Variants in ARX observed in about 807,000 individuals in gnomAD.
ARX encodes the protein homeobox protein ARX.
In ARX, 1 loss-of-function variant was observed where a neutral mutation model predicts 23.1. The ratio of observed to expected loss-of-function variants is 0.04; its 90% CI spans 0.02 to 0.21. The LOEUF (loss-of-function observed/expected upper bound fraction) is 0.21, where lower values mean the gene tolerates loss of function less well. Ranked by LOEUF, ARX falls within the 10% of genes least tolerant of loss-of-function variation. The pLI, the probability that ARX is intolerant of heterozygous loss-of-function variation, is 1.00. For missense variants in ARX, 380 were observed against 527.5 expected (o/e 0.72, Z 2.74); for synonymous variants, 301 against 270.1 (o/e 1.11, Z -1.12).
chrX:25,006,255 C>T (rs1344309005), intron 4 of ARX, among the ~76,000 whole-genome samples: 2 of 112,520 alleles, frequency 1.8e-5, no homozygotes, highest in Non-Finnish European at 3.8e-5. Context: ...TCAGTGCGCT[C>T]GCTGTTTATT....
In ARX at chrX:25,013,547, C is replaced by T; in HGVS notation, c.448G>A (p.Ala150Thr). The change falls in exon 2 of 5, where the codon GCC becomes ACC. Residue 150 changes from alanine to threonine, a missense_variant. Ala to Thr is a moderately conservative substitution (Grantham distance 58, BLOSUM62 0). Transcript: ENST00000379044. ...DGAGAAAAAA[A>T]AAAAAWDTLK... ...GTGTCCCAGGCCGCGGCGGCCGCGG[C>T]CGCGGCTGCCGCGGCGGCCCCTGCG... is the stretch of plus-strand genomic sequence containing the variant. 1 of 787,678 alleles carries T rather than the reference C, an allele frequency of 1.3e-6. No homozygotes were observed. The highest frequency in any genetic ancestry group is 1.5e-6 in the Non-Finnish European group (1 of 665,263). 64.9% of individuals were successfully genotyped at this position (787,678 alleles called of 1,213,427 possible). A position where few individuals can be genotyped will look rare whatever the true frequency, so the allele number is the denominator to read the frequency against.
Position 25,010,316 on chromosome X carries a change from G to C in ARX, c.1074-11C>G. On this transcript the variant is annotated splice_polypyrimidine_tract_variant and intron_variant, in intron 2 of 4. Coordinates refer to ENST00000379044, the MANE Select transcript of ARX (RefSeq NM_139058.3). ...ATGGCCAGTTCCTCCCTATAAGAAA[G>C]CAACACACAGACAGGAGGTCACTGC... 1 of 1,209,597 alleles carries C rather than the reference G, an allele frequency of 8.3e-7. No homozygotes were observed. Among genetic ancestry groups the C allele is most frequent in the Non-Finnish European group, 1.1e-6 (1 of 894,720 alleles).
At chrX:25,010,736 C>A (rs371587734) in intron 2 of ARX, among the ~76,000 whole-genome samples, 2 of 110,805 alleles carry the variant, frequency 1.8e-5, no homozygotes, top group East Asian at 2.8e-4. Flanking sequence ...TTTTTCTGTC[C>A]TCTTGGTTTC....
At chrX:25,012,740 TG>T (rs1399726221) in intron 2 of ARX, among the ~76,000 whole-genome samples, 181 bp downstream of exon 2, 3 of 110,231 alleles carry the variant, frequency 2.7e-5, no homozygotes, top group Non-Finnish European at 5.7e-5. Flanking sequence ...CGAACCGGGG[TG>T]GGGGTCGGGG....
intron 3 of ARX, among the ~76,000 whole-genome samples, chrX:25,009,483 G>A (rs2048692803): frequency 9.0e-6 from 1 of 111,611 alleles, no homozygotes; most frequent in African/African-American, 3.3e-5. Context: ...TATTAAATGA[G>A]CCATATGGAA....
At chrX:25,005,659 C>T (rs2048674700) in intron 4 of ARX, among the ~76,000 whole-genome samples, 1 of 112,780 alleles carries the variant, frequency 8.9e-6, no homozygotes, top group Non-Finnish European at 1.9e-5. Context: ...CCCCGCGCCC[C>T]TGTAGCCTCT....
At chrX:25,005,492 G>A (rs1430535962) in intron 4 of ARX, among the ~76,000 whole-genome samples, 4 of 112,429 alleles carry the variant, frequency 3.6e-5, no homozygotes, top group African/African-American at 9.7e-5. Flanking sequence ...GGCCACCCGC[G>A]CCGCCGCGGC....
In ARX at chrX:25,013,140, C is replaced by T. The variant is rs139301257; in HGVS notation, c.855G>A (p.Glu285=). The T allele has an allele frequency of 1.2e-4, 143 of 1,199,717 alleles. No individual in the cohort carries two copies. The highest frequency in any genetic ancestry group is 1.6e-4 in the Non-Finnish European group (142 of 890,785). The change falls in exon 2 of 5, where the codon GAG becomes GAA. Residue 285 remains glutamate, a synonymous_variant. Transcript: ENST00000379044. The part of the protein sequence containing the change: ...AAAAAAAVAT[E]GGELSPKEEL... ...CCTCCTTGGGTGACAGCTCCCCGCC[C>T]TCTGTGGCCACTGCAGCGGCAGCTG...
At position 25,014,696 on chromosome X, in the gene ARX, T is replaced by A. The variant is rs945485842; in HGVS notation, c.196+846A>T. On this transcript the variant is annotated intron_variant, in intron 1 of 4. Transcript: ENST00000379044. The stretch of plus-strand genomic sequence containing the variant: ...AGGCTAAAAAAAGAAAAGAAAAAAG[T>A]CAGTTTTATTTAAATGCCCCCTTCT... Among the ~76,000 whole-genome samples the A allele has an allele frequency of 2.4e-4, 27 of 112,543 alleles. No homozygotes were observed. The Admixed American group carries it at 2.5e-3, about 10-fold the overall frequency.
chrX:25,009,962 G>A (rs1278062469), intron 3 of ARX, among the ~76,000 whole-genome samples: 1 of 110,946 alleles, frequency 9.0e-6, no homozygotes, highest in East Asian at 2.8e-4. Flanking sequence ...TCCTATAGGA[G>A]CTTTGGGGCT....
intron 2 of ARX, among the ~76,000 whole-genome samples, chrX:25,012,235 G>A (rs1274329622): frequency 3.5e-5 from 4 of 112,794 alleles, no homozygotes; most frequent in African/African-American, 1.3e-4. Context: ...TATGTGTGTC[G>A]GGAGAGGACA....
In ARX at chrX:25,004,467, G is replaced by A. The variant is rs967271212; in HGVS notation, c.*203C>T. On this transcript the variant is annotated 3_prime_UTR_variant, in exon 5 of 5. Transcript: ENST00000379044. The stretch of plus-strand genomic sequence containing the variant: ...CAGTAGCAGGGGCAGGGGCAGGGGC[G>A]GGTGGACAGCCAGCCGAGGAGGTGC... The A allele has an allele frequency of 1.6e-4, 99 of 606,944 alleles. 1 individual carries two copies. In the African/African-American group the frequency reaches 1.6e-3, roughly 10 times the overall value. 50.0% of individuals were successfully genotyped at this position (606,944 alleles called of 1,213,427 possible).
rs2048710232 is a variant in ARX, at chrX:25,013,287, ATCT to A, written c.705_707del (p.Glu235del). 8.7e-7 allele frequency: 1 copy of A among 1,151,934 alleles called. No individual in the cohort carries two copies. The highest frequency in any genetic ancestry group is 1.2e-6 in the Non-Finnish European group (1 of 869,533). 94.9% of individuals were successfully genotyped at this position (1,151,934 alleles called of 1,213,427 possible). On this transcript the variant is annotated inframe_deletion, in exon 2 of 5. Coordinates refer to ENST00000379044, the MANE Select transcript of ARX (RefSeq NM_139058.3). ...CCAGCAGTTCCTCTTCCTCGTCCTCATCTTCTTCGTCCTCCAGCAGCTCCTCCT... is the reference window on the plus strand; with the variant it reads ...CCAGCAGTTCCTCTTCCTCGTCCTCATCTTCGTCCTCCAGCAGCTCCTCCT...
In ARX at chrX:25,010,243, T is replaced by A; in HGVS notation, c.1119+17A>T. On this transcript the variant is annotated intron_variant, in intron 3 of 4. Coordinates refer to ENST00000379044, the MANE Select transcript of ARX (RefSeq NM_139058.3). ...CCAGCCCTCCTCCCTCCCTCTTCCCTCTGTTGTGCAGCTCACCTGGACTCG... is the reference window on the plus strand; with the variant it reads ...CCAGCCCTCCTCCCTCCCTCTTCCCACTGTTGTGCAGCTCACCTGGACTCG... The A allele has an allele frequency of 9.7e-7, 1 of 1,026,098 alleles. No individual in the cohort carries two copies. The highest frequency in any genetic ancestry group is 1.3e-6 in the Non-Finnish European group (1 of 785,784). 84.6% of individuals were successfully genotyped at this position (1,026,098 alleles called of 1,213,427 possible).
chrX:25,013,935 C>T (rs1463997634), intron 1 of ARX, 137 bp from the exon 2 acceptor site: 1 of 839,052 alleles, frequency 1.2e-6, no homozygotes, highest in Non-Finnish European at 1.5e-6. Flanking sequence ...CAGACTTCGA[C>T]GCCTTGGCCT....
At position 25,004,419 on chromosome X, in the gene ARX, TGTTGGA is replaced by T. The variant is rs1339438074; in HGVS notation, c.*245_*250del. 12 of 401,299 alleles carry T rather than the reference TGTTGGA, an allele frequency of 3.0e-5. No homozygotes were observed. The Admixed American group carries it at 3.5e-4, about 12-fold the overall frequency. The allele number at this position is 401,299 out of a possible 1,213,427, so 33.1% of individuals were successfully genotyped here. A position where few individuals can be genotyped will look rare whatever the true frequency, so the allele number is the denominator to read the frequency against. On this transcript the variant is annotated 3_prime_UTR_variant, in exon 5 of 5. Coordinates refer to ENST00000379044, the MANE Select transcript of ARX (RefSeq NM_139058.3). ...GAAAGTAAGAACAAGAGAGAGTGGA[TGTTGGA>T]GTTGGAGCGAGGTTGGCAGTAGCAG...
rs1290426954 is a variant in ARX, at chrX:25,004,260, T to A, written c.*410A>T. The A allele has an allele frequency of 7.7e-5, 10 of 129,126 alleles. No individual in the cohort carries two copies. The highest frequency in any genetic ancestry group is 1.8e-4 in the Admixed American group (2 of 11,004). 10.6% of individuals were successfully genotyped at this position (129,126 alleles called of 1,213,427 possible). Reference sequence around the variant, plus strand: ...CAACTTCGAGCGCCAAAATGCTATTTAAAAAAAAAAAAGAAAGAAAGAAAG... The same window carrying A: ...CAACTTCGAGCGCCAAAATGCTATTAAAAAAAAAAAAAGAAAGAAAGAAAG... On this transcript the variant is annotated 3_prime_UTR_variant, in exon 5 of 5. Coordinates refer to ENST00000379044, the MANE Select transcript of ARX (RefSeq NM_139058.3).
chrX:25,005,187 C>T (rs2048672490), intron 4 of ARX, among the ~76,000 whole-genome samples: 3 of 112,600 alleles, frequency 2.7e-5, no homozygotes, highest in South Asian at 7.4e-4. Flanking sequence ...GGCGTGGAGA[C>T]CTCAAGCCCC....
chrX:25,005,993 C>T (rs933438500), intron 4 of ARX: 3 of 111,919 alleles, frequency 2.7e-5, no homozygotes, highest in Admixed American at 1.9e-4. Context: ...GCGCCGCCTC[C>T]TTCTCCCAAG....
Sources: gnomAD v4.1 joint callset for allele counts (sites outside exome capture counted in the v4.1 genomes callset) on GRCh38, gnomAD v4.1.1 for gene constraint, MANE v1.5 for transcripts, NCBI Gene and HGNC (gene_info 2026-07-23, HGNC 2026-07-21) for gene names.